The following CDC27 variants were observed in gnomAD, a reference collection of about 807,000 sequenced individuals.
The protein encoded by CDC27 is cell division cycle protein 27 homolog.
In CDC27, 27 loss-of-function variants were observed where a neutral mutation model predicts 109.7. The ratio of observed to expected loss-of-function variants is 0.25; its 90% CI spans 0.18 to 0.34. The LOEUF is 0.34. CDC27 is among the 10% of genes least tolerant of loss of function. CDC27 has a pLI of 1.00. For missense variants in CDC27, 579 were observed against 960.2 expected (o/e 0.60, Z 5.25); for synonymous variants, 266 against 333.9 (o/e 0.80, Z 2.22).
chr17:47,151,381 T>C (rs1481428342), intron 9 of CDC27, among the ~76,000 whole-genome samples: 3 of 152,242 alleles, frequency 2.0e-5, no homozygotes, highest in Admixed American at 6.5e-5. Flanking sequence ...ATTGAGTCCT[T>C]GAAGAGGAAA....
At chr17:47,172,820 G>A (rs1466279439) in intron 2 of CDC27, among the ~76,000 whole-genome samples, 2 of 152,128 alleles carry the variant, frequency 1.3e-5, no homozygotes, top group African/African-American at 2.4e-5. Flanking sequence ...AGGGTCTACA[G>A]AGGCAACAAC....
At chr17:47,129,355 C>A in intron 16 of CDC27, 38 bp downstream of exon 16, 3 of 1,432,600 alleles carry the variant, frequency 2.1e-6, no homozygotes, top group South Asian at 1.3e-5. Context: ...TGTTTTTAAG[C>A]AATACAACAC....
intron 3 of CDC27, among the ~76,000 whole-genome samples, chr17:47,170,722 A>C (rs2063788388): frequency 6.6e-6 from 1 of 152,218 alleles, no homozygotes; most frequent in South Asian, 2.1e-4. Flanking sequence ...ATGGTTCTTC[A>C]TTAACAAACA....
chr17:47,181,665 T>TATAC (rs1471538402), intron 1 of CDC27, 28 bp from the exon 2 acceptor site: 7 of 1,291,908 alleles, frequency 5.4e-6, no homozygotes, highest in Non-Finnish European at 7.8e-6. Flanking sequence ...AGAACATAAA[T>TATAC]ATACATACAT....
Position 47,169,924 on chromosome 17 carries a change from C to A in CDC27, c.370G>T (p.Val124Leu). ...ACFTLSLLGH[V>L]YCKTDRLAKG... ...TGAATCATTCTTACTTACCAATATA[C>A]ATGTCCCAACAATGAAAGAGTAAAG... Residue 124 changes from valine (V) to leucine (L), a missense_variant, in exon 4 of 19, where the codon GTA (valine) becomes TTA (leucine). Physicochemically the swap from Val to Leu is conservative, Grantham distance 32 (BLOSUM62 1). Coordinates refer to ENST00000066544, the MANE Select transcript of CDC27 (RefSeq NM_001256.6). 1 of 1,588,950 alleles carries A rather than the reference C, an allele frequency of 6.3e-7. No homozygotes were observed. Among genetic ancestry groups the A allele is most frequent in the Admixed American group, 1.8e-5 (1 of 54,058 alleles).
intron 4 of CDC27, among the ~76,000 whole-genome samples, chr17:47,167,342 AT>A (rs576356174): frequency 1.4e-3 from 213 of 152,342 alleles, no homozygotes; most frequent in African/African-American, 4.7e-3. Flanking sequence ...AACATTCCTT[AT>A]TAAAATTTTG....
At position 47,138,796 on chromosome 17, in the gene CDC27, A is replaced by T. The variant is rs111227623; in HGVS notation, c.1647T>A (p.Asp549Glu). Residue 549 changes from aspartate (D) to glutamate (E), a missense_variant, in exon 13 of 19, where the codon GAT (aspartate) becomes GAA (glutamate). By Grantham distance (45) the Asp-to-Glu change is conservative (BLOSUM62 2). Coordinates refer to ENST00000066544, the MANE Select transcript of CDC27 (RefSeq NM_001256.6). ...CTTTTGACAGAACTGAAAGAGCAAC[A>T]TCTTTTTGAAGATGCCAAAGTGTTG... ...YSTTLWHLQK[D>E]VALSVLSKDL... 1.2e-6 allele frequency: 2 copies of T among 1,611,852 alleles called. No homozygotes were observed. Among genetic ancestry groups the T allele is most frequent in the African/African-American group, 1.3e-5 (1 of 74,872 alleles).
intron 4 of CDC27, among the ~76,000 whole-genome samples, chr17:47,162,689 G>A (rs916735705): frequency 3.9e-5 from 6 of 152,142 alleles, no homozygotes. Context: ...GTGATCCTTT[G>A]TGCTGAAAAG....
At chr17:47,182,815 A>G (rs1293497456) in intron 1 of CDC27, among the ~76,000 whole-genome samples, 1 of 152,014 alleles carries the variant, frequency 6.6e-6, no homozygotes, top group Non-Finnish European at 1.5e-5. Flanking sequence ...TTGTTTTTCC[A>G]ATTATAACAA....
At chr17:47,155,331 C>G (rs547244539) in intron 7 of CDC27, among the ~76,000 whole-genome samples, 1 of 152,122 alleles carries the variant, frequency 6.6e-6, no homozygotes, top group Non-Finnish European at 1.5e-5. Flanking sequence ...CTGCAACCTC[C>G]ACCTGCTGGG....
intron 1 of CDC27, among the ~76,000 whole-genome samples, chr17:47,186,421 A>T (rs2064438064): frequency 6.6e-6 from 1 of 152,218 alleles, no homozygotes; most frequent in Non-Finnish European, 1.5e-5. Flanking sequence ...CGAAAGGCTT[A>T]TTTACAACTT....
At chr17:47,134,124 C>G (rs1189069111) in intron 14 of CDC27, among the ~76,000 whole-genome samples, 5 of 151,954 alleles carry the variant, frequency 3.3e-5, no homozygotes, top group Non-Finnish European at 5.9e-5. Context: ...GTTTCAAACT[C>G]TTAGCCTCAA....
At chr17:47,181,808 A>G (rs1156849476) in intron 1 of CDC27, among the ~76,000 whole-genome samples, 171 bp from the exon 2 acceptor site, 1 of 152,152 alleles carries the variant, frequency 6.6e-6, no homozygotes, top group African/African-American at 2.4e-5. Context: ...TCTTCACAGT[A>G]TGGCTCCTAA....
Position 47,156,926 on chromosome 17 carries a change from G to C in CDC27, c.829C>G (p.Pro277Ala), listed in dbSNP as rs758052049. 8.3e-6 allele frequency: 12 copies of C among 1,438,236 alleles called. No homozygotes were observed. Among genetic ancestry groups the C allele is most frequent in the Non-Finnish European group, 1.1e-5 (11 of 1,045,142 alleles). 89.1% of individuals were successfully genotyped at this position (1,438,236 alleles called of 1,614,324 possible). A position where few individuals can be genotyped will look rare whatever the true frequency, so the allele number is the denominator to read the frequency against. The change falls in exon 7 of 19, where the codon CCA (proline) becomes GCA (alanine). Residue 277 changes from proline (P) to alanine (A), a missense_variant. Physicochemically the swap from Pro to Ala is conservative, Grantham distance 27 (BLOSUM62 -1). Transcript: ENST00000066544. Reference protein sequence around the residue: ...SLLGGPAALSPLTPSFGILPL... With the variant: ...SLLGGPAALSALTPSFGILPL... ...TGTTTGACTTACCTTGGGGTTAATG[G>C]ACTAAGAGCTGCTGGTCCTCCTAAT...
At chr17:47,172,171 T>G (rs2063831274) in intron 2 of CDC27, 107 bp from the exon 3 acceptor site, 1 of 649,856 alleles carries the variant, frequency 1.5e-6, no homozygotes, top group South Asian at 3.1e-5. Flanking sequence ...GGCTTGCTAT[T>G]TTAACACAAA....
chr17:47,151,095 T>C (rs1182111336), intron 9 of CDC27, among the ~76,000 whole-genome samples: 2 of 152,212 alleles, frequency 1.3e-5, no homozygotes, highest in Non-Finnish European at 2.9e-5. Flanking sequence ...AAGTGAAATG[T>C]ACAAATCGGA....
At chr17:47,154,250 A>G (rs1428307231) in intron 8 of CDC27, among the ~76,000 whole-genome samples, 2 of 152,078 alleles carry the variant, frequency 1.3e-5, no homozygotes, top group African/African-American at 4.8e-5. Context: ...TTTTTCATAT[A>G]ATTATTAGTG....
Position 47,122,577 on chromosome 17 carries a change from C to T in CDC27, c.2259G>A (p.Thr753=), listed in dbSNP as rs369639656. The change falls in exon 18 of 19, where the codon ACG becomes ACA. Residue 753 remains threonine (T), a synonymous_variant. Transcript: ENST00000066544. ...IGKVYKKLGQ[T]HLALMNFSWA... ...AAGAGAAATTCATCAGGGCGAGGTG[C>T]GTTTGACCTAACTTCTTGTAAACCT... The T allele has an allele frequency of 2.5e-5, 40 of 1,597,810 alleles. No individual in the cohort carries two copies. The highest frequency in any genetic ancestry group is 1.7e-4 in the Middle Eastern group (1 of 6,008).
At chr17:47,181,870 C>G (rs921585213) in intron 1 of CDC27, among the ~76,000 whole-genome samples, 3 of 152,188 alleles carry the variant, frequency 2.0e-5, no homozygotes, top group East Asian at 1.9e-4. Context: ...GCTTCTGTGC[C>G]TTTGTACACC....
Sources: gnomAD v4.1 joint callset for allele counts (sites outside exome capture counted in the v4.1 genomes callset) on GRCh38, gnomAD v4.1.1 for gene constraint, MANE v1.5 for transcripts, NCBI Gene and HGNC (gene_info 2026-07-23, HGNC 2026-07-21) for gene names.